MAN1C1: variants seen among roughly 807,000 people sequenced by gnomAD.
MAN1C1 encodes mannosidase alpha class 1C member 1, also known as mannosyl-oligosaccharide 1,2-alpha-mannosidase IC.
MAN1C1 carries 49 observed loss-of-function variants against 71.5 expected under a neutral mutation model. That is an observed-to-expected ratio of 0.69 (90% CI 0.54 to 0.87). MAN1C1 has a LOEUF of 0.87. Among genes scored for constraint, MAN1C1 ranks in the 40% least tolerant of loss-of-function variants. MAN1C1 has a pLI of 0.00. For missense variants in MAN1C1, 743 were observed against 835.0 expected (o/e 0.89, Z 1.36); for synonymous variants, 352 against 343.7 (o/e 1.02, Z -0.27).
At chr1:25,749,373 T>A in intron 4 of MAN1C1, 38 bp downstream of exon 4, 2 of 1,513,050 alleles carry the variant, frequency 1.3e-6, no homozygotes, top group Non-Finnish European at 1.8e-6. Flanking sequence ...CTGTCCAGGC[T>A]GGAAAGGGCT....
chr1:25,756,644 CCT>C (rs777034902), intron 5 of MAN1C1, among the ~76,000 whole-genome samples: 1 of 152,088 alleles, frequency 6.6e-6, no homozygotes, highest in Non-Finnish European at 1.5e-5. Context: ...CAGGGTGGCA[CCT>C]CTCTCTTTCC....
chr1:25,683,360 G>T (rs896389758), intron 1 of MAN1C1, among the ~76,000 whole-genome samples: 1 of 152,206 alleles, frequency 6.6e-6, no homozygotes, highest in African/African-American at 2.4e-5. Context: ...TGTCTTGCCT[G>T]TGAAGCGTGT....
rs3754153 is a variant in MAN1C1 at position 25,687,504 on chromosome 1, A to G, written c.637+968A>G. Among the ~76,000 whole-genome samples the G allele has an allele frequency of 4.6e-5, 7 of 152,322 alleles. No individual in the cohort carries two copies. The East Asian group carries it at 1.3e-3, about 29-fold the overall frequency. On this transcript the variant is annotated intron_variant, in intron 2 of 11. Transcript: ENST00000374332. The stretch of plus-strand genomic sequence containing the variant: ...CCCATACCTGGATTCCTCACCCCTT[A>G]CAGATACAGGCTCCTGAAGTCAGGA...
intron 1 of MAN1C1, among the ~76,000 whole-genome samples, chr1:25,672,156 CTTG>C (rs1343243420): frequency 2.6e-5 from 4 of 152,208 alleles, no homozygotes; most frequent in East Asian, 1.9e-4. Context: ...GGCCAGAGAA[CTTG>C]TTGTTCTGAT....
chr1:25,758,743 C>G lies in MAN1C1; in HGVS notation c.1047+34C>G, dbSNP rs755002822. The G allele has an allele frequency of 5.7e-6, 9 of 1,571,718 alleles. No individual in the cohort carries two copies. In the South Asian group the frequency reaches 1.0e-4, roughly 17 times the overall value. On this transcript the variant is annotated intron_variant, in intron 6 of 11. Transcript: ENST00000374332. ...CCTCCCCACCCTTCTTCCTGCGGAG[C>G]AGAGGGATGAGCGTGCGGCTGCCAC... is the stretch of plus-strand genomic sequence containing the variant.
intron 1 of MAN1C1, among the ~76,000 whole-genome samples, chr1:25,642,223 CCCTTACAGAGATCCTGAGGG>C (rs1007586064): frequency 4.6e-5 from 7 of 152,198 alleles, no homozygotes; most frequent in South Asian, 2.1e-4. Context: ...AGCAGCCTTG[CCCTTACAGAGATCCTGAGGG>C]CCTTACAGAG....
intron 1 of MAN1C1, among the ~76,000 whole-genome samples, chr1:25,629,009 G>A (rs550416570): frequency 6.6e-6 from 1 of 152,182 alleles, no homozygotes; most frequent in Non-Finnish European, 1.5e-5. Context: ...TGGACACTTA[G>A]GTTGGTCCCA....
At chr1:25,632,785 TA>T (rs1380567170) in intron 1 of MAN1C1, among the ~76,000 whole-genome samples, 1 of 152,174 alleles carries the variant, frequency 6.6e-6, no homozygotes, top group Non-Finnish European at 1.5e-5. Context: ...CATGTATTTG[TA>T]CCATTTTGAG....
intron 1 of MAN1C1, among the ~76,000 whole-genome samples, chr1:25,623,512 G>A (rs971389658): frequency 5.9e-5 from 9 of 152,096 alleles, no homozygotes; most frequent in Non-Finnish European, 1.0e-4. Flanking sequence ...ATTTACATCC[G>A]AGTTCAAGAA....
chr1:25,779,539 C>G lies in MAN1C1; in HGVS notation c.1477+1215C>G, dbSNP rs76977359. 0.023 allele frequency among the ~76,000 whole-genome samples: 3,509 copies of G among 152,314 alleles called. 140 individuals carry two copies. Among genetic ancestry groups the G allele is most frequent in the African/African-American group, 0.079 (3,285 of 41,562 alleles). On this transcript the variant is annotated intron_variant, in intron 9 of 11. Transcript: ENST00000374332. The surrounding 1 kb of genome is among the most constrained non-coding windows in gnomAD (Gnocchi z 4.6). Reference sequence around the variant, plus strand: ...AGGGCCATAAACAAATAAGAAATCTCAGGACTAATAAAAGGCTCGCTATTT... The same window carrying G: ...AGGGCCATAAACAAATAAGAAATCTGAGGACTAATAAAAGGCTCGCTATTT...
intron 1 of MAN1C1, among the ~76,000 whole-genome samples, chr1:25,660,795 G>A (rs2045836442): frequency 6.6e-6 from 1 of 151,126 alleles, no homozygotes; most frequent in Non-Finnish European, 1.5e-5. Flanking sequence ...GGCTCAAGGG[G>A]TCCTCCCACC....
At chr1:25,773,767 T>C (rs1326494075) in intron 8 of MAN1C1, among the ~76,000 whole-genome samples, 2 of 152,220 alleles carry the variant, frequency 1.3e-5, no homozygotes, top group African/African-American at 4.8e-5. Context: ...GAACTTTGAA[T>C]AGAAGAGGCT....
rs563058106 is a variant in MAN1C1 at position 25,725,562 on chromosome 1, C to T, written c.638-21106C>T. ...GCAAGGGCATGGTGGCGTGAGAGTACAGGAGTACTTGTTAGGGGTCCACTA... is the reference window on the plus strand; with the variant it reads ...GCAAGGGCATGGTGGCGTGAGAGTATAGGAGTACTTGTTAGGGGTCCACTA... On this transcript the variant is annotated intron_variant, in intron 2 of 11. Transcript: ENST00000374332. The surrounding 1 kb of genome is among the most constrained non-coding windows in gnomAD (Gnocchi z 4.8). Among the ~76,000 whole-genome samples, 20 of 152,244 alleles carry T rather than the reference C, an allele frequency of 1.3e-4. No individual in the cohort carries two copies. Among genetic ancestry groups the T allele is most frequent in the African/African-American group, 4.6e-4 (19 of 41,538 alleles).
intron 2 of MAN1C1, among the ~76,000 whole-genome samples, chr1:25,745,675 G>A (rs1302537521): frequency 6.6e-6 from 1 of 152,160 alleles, no homozygotes; most frequent in Admixed American, 6.5e-5. Flanking sequence ...AACTAATCTT[G>A]AAGAGACAGA....
intron 2 of MAN1C1, among the ~76,000 whole-genome samples, chr1:25,702,682 A>G (rs185368458): frequency 4.6e-5 from 7 of 152,364 alleles, no homozygotes; most frequent in Admixed American, 6.5e-5. Flanking sequence ...CTTCTGGAAA[A>G]ATAGGAATTA....
intron 6 of MAN1C1, 110 bp from the exon 7 acceptor site, chr1:25,763,764 A>T: frequency 3.5e-6 from 3 of 848,720 alleles, no homozygotes; most frequent in South Asian, 2.9e-5. Flanking sequence ...CTGCCTCCTC[A>T]TAAGGTTTCC....
intron 2 of MAN1C1, among the ~76,000 whole-genome samples, chr1:25,714,231 G>C (rs1215582671): frequency 6.6e-6 from 1 of 152,160 alleles, no homozygotes; most frequent in Non-Finnish European, 1.5e-5. Flanking sequence ...CAGGGTAAAT[G>C]GTCTTTAATT....
chr1:25,641,180 G>A (rs111893656), intron 1 of MAN1C1, among the ~76,000 whole-genome samples: 4 of 152,292 alleles, frequency 2.6e-5, no homozygotes, highest in East Asian at 1.9e-4. Context: ...CCCAGTGCGC[G>A]GGGTATTCTT....
chr1:25,781,529 ACC>A (rs926079239), intron 10 of MAN1C1, among the ~76,000 whole-genome samples: 1 of 146,626 alleles, frequency 6.8e-6, no homozygotes, highest in Non-Finnish European at 1.5e-5. Context: ...AGCCTGAGGG[ACC>A]CCCCCACCCT....
Sources: gnomAD v4.1 joint callset for allele counts (sites outside exome capture counted in the v4.1 genomes callset) on GRCh38, gnomAD v4.1.1 for gene constraint, Gnocchi (gnomAD v3.1) non-coding constraint, MANE v1.5 for transcripts, NCBI Gene and HGNC (gene_info 2026-07-23, HGNC 2026-07-21) for gene names.